SMG6: variants seen among roughly 807,000 people sequenced by gnomAD.
The protein encoded by SMG6 is SMG6 nonsense mediated mRNA decay factor.
Under a neutral mutation model 142.2 loss-of-function variants are expected in SMG6, and 66 were observed. The ratio of observed to expected loss-of-function variants is 0.46; its 90% CI spans 0.38 to 0.57. SMG6 has a LOEUF of 0.57. Among genes scored for constraint, SMG6 ranks in the 20% least tolerant of loss-of-function variants. The pLI, the probability that SMG6 is intolerant of heterozygous loss-of-function variation, is 0.00. For missense variants in SMG6, 1,793 were observed against 1,832.0 expected, an observed-to-expected ratio of 0.98 and a Z score of 0.39; for synonymous variants, 779 against 702.4, an observed-to-expected ratio of 1.11 and a Z score of -1.72.
chr17:2,284,201 ATTATG>A (rs1163338157), intron 6 of SMG6, among the ~76,000 whole-genome samples: 1 of 152,202 alleles, frequency 6.6e-6, no homozygotes, highest in Non-Finnish European at 1.5e-5. Context: ...TTATTACATT[ATTATG>A]TAATAATCTT....
intron 13 of SMG6, chr17:2,087,788 G>T (rs1567587258): frequency 1.0e-6 from 1 of 985,844 alleles, no homozygotes; most frequent in Middle Eastern, 5.2e-4. Context: ...ACGCACAGTG[G>T]CCTCCCTGCA....
At position 2,068,923 on chromosome 17, in the gene SMG6, C is replaced by G. The variant is rs1243962396; in HGVS notation, c.3690G>C (p.Leu1230=). ...QRRQEKIQAV[L]EDHSQMRQME... ...TCTGCCTCATCTGACTGTGGTCCTC[C>G]AGGACAGCCTATGGGGACAGAGTGG... The change falls in exon 16 of 19, where the codon CTG becomes CTC. Residue 1230 remains leucine, a synonymous_variant. Transcript: ENST00000263073. This position sits in a 1 kb window ranked among gnomAD's most constrained non-coding sequence, Gnocchi z 6.7. 6.2e-7 allele frequency: 1 copy of G among 1,613,956 alleles called. No individual in the cohort carries two copies. The highest frequency in any genetic ancestry group is 1.3e-5 in the African/African-American group (1 of 74,918).
chr17:2,232,493 G>A (rs1386866880), intron 10 of SMG6, among the ~76,000 whole-genome samples: 1 of 152,104 alleles, frequency 6.6e-6, no homozygotes, highest in African/African-American at 2.4e-5. Context: ...GGCTTTCCCA[G>A]AACTGTTGCC....
chr17:2,150,670 C>A (rs1041353384), intron 13 of SMG6, among the ~76,000 whole-genome samples: 31 of 152,310 alleles, frequency 2.0e-4, no homozygotes, highest in Admixed American at 1.2e-3. Flanking sequence ...CTTCCTATTA[C>A]ACTTTATATT....
intron 13 of SMG6, among the ~76,000 whole-genome samples, chr17:2,120,537 T>C (rs1439288006): frequency 6.6e-6 from 1 of 152,096 alleles, no homozygotes; most frequent in Non-Finnish European, 1.5e-5. Context: ...ATAGACAACA[T>C]AGCAATACCT....
Position 2,068,863 on chromosome 17 carries a change from T to A in SMG6, c.3750A>T (p.Pro1250=), listed in dbSNP as rs1176595755. The A allele has an allele frequency of 1.9e-6, 3 of 1,614,244 alleles. No homozygotes were observed. Among genetic ancestry groups the A allele is most frequent in the Non-Finnish European group, 2.5e-6 (3 of 1,180,044 alleles). Residue 1250 remains proline, a synonymous_variant, in exon 16 of 19, where the codon CCA becomes CCT. Transcript: ENST00000263073. The surrounding 1 kb of genome is among the most constrained non-coding windows in gnomAD (Gnocchi z 6.7). Reference sequence around the variant, plus strand: ...GGTGGTCAATGAAGCCGTTGGTGTCTGGTACGAGGAACAAAGGTCTGATTT... The same window carrying A: ...GGTGGTCAATGAAGCCGTTGGTGTCAGGTACGAGGAACAAAGGTCTGATTT... ...ELEIRPLFLV[P]DTNGFIDHLA...
At chr17:2,127,887 T>C in intron 13 of SMG6, 1 of 565,600 alleles carries the variant, frequency 1.8e-6, no homozygotes, top group Non-Finnish European at 3.5e-6. Flanking sequence ...TGGCCATATC[T>C]TTGTAGACGA....
intron 10 of SMG6, among the ~76,000 whole-genome samples, chr17:2,189,586 T>C (rs1256430799): frequency 2.0e-5 from 3 of 152,162 alleles, no homozygotes; most frequent in Non-Finnish European, 2.9e-5. Flanking sequence ...ATCAGCTGAA[T>C]GTCTGATCTC....
chr17:2,176,842 C>T (rs1256628732), intron 12 of SMG6, among the ~76,000 whole-genome samples: 1 of 152,216 alleles, frequency 6.6e-6, no homozygotes. Flanking sequence ...CCAAGGCTCA[C>T]TTGCTTCCCT....
At chr17:2,187,927 G>A (rs1381150481) in intron 11 of SMG6, among the ~76,000 whole-genome samples, 1 of 152,056 alleles carries the variant, frequency 6.6e-6, no homozygotes, top group East Asian at 1.9e-4. Flanking sequence ...AGCCTTAAAG[G>A]ATATGGGATA....
chr17:2,185,565 C>T (rs1384176513), intron 12 of SMG6, among the ~76,000 whole-genome samples: 1 of 151,286 alleles, frequency 6.6e-6, no homozygotes, highest in African/African-American at 2.4e-5. Context: ...CAGACAGACA[C>T]ACAGACTCCA....
At chr17:2,159,153 G>C (rs2071098558) in intron 13 of SMG6, among the ~76,000 whole-genome samples, 1 of 152,148 alleles carries the variant, frequency 6.6e-6, no homozygotes, top group African/African-American at 2.4e-5. Flanking sequence ...AGGCACAGTG[G>C]CTCACGCCTG....
intron 8 of SMG6, among the ~76,000 whole-genome samples, chr17:2,247,137 T>C (rs2073944754): frequency 6.6e-6 from 1 of 152,170 alleles, no homozygotes; most frequent in South Asian, 2.1e-4. Flanking sequence ...GCCATTTACC[T>C]GCGGTGGGAT....
chr17:2,095,408 G>A (rs759393529), intron 13 of SMG6, among the ~76,000 whole-genome samples: 3 of 152,096 alleles, frequency 2.0e-5, no homozygotes, highest in Non-Finnish European at 4.4e-5. Flanking sequence ...TATTCTACGC[G>A]TGGCACAAGA....
At position 2,292,992 on chromosome 17, in the gene SMG6, A is replaced by G. The variant is rs1177925530; in HGVS notation, c.2152-15T>C. On this transcript the variant is annotated splice_polypyrimidine_tract_variant and intron_variant, in intron 4 of 18. Transcript: ENST00000263073. Reference sequence around the variant, plus strand: ...GCATATTTTACCTTCAGGAAAAACAACCAGTTAGTAGAAAAGCCAAGAAAC... The same window carrying G: ...GCATATTTTACCTTCAGGAAAAACAGCCAGTTAGTAGAAAAGCCAAGAAAC... The G allele has an allele frequency of 6.3e-7, 1 of 1,583,438 alleles. No homozygotes were observed.
In SMG6 at chr17:2,244,717, C is replaced by T; in HGVS notation, c.2664G>A (p.Leu888=). The T allele has an allele frequency of 6.2e-7, 1 of 1,613,568 alleles. No homozygotes were observed. The highest frequency in any genetic ancestry group is 1.1e-5 in the South Asian group (1 of 91,048). ...GAAAACTGAGGATGAACCTTTTGTT[C>T]AGCTGCATGGGAAAAAGGGAGAGGA... ...NGLGSLSPSD[L]NKRFILSFLH... Residue 888 remains leucine (L), a splice_region_variant and synonymous_variant, in exon 9 of 19, where the codon CTG becomes CTA. Transcript: ENST00000263073.
intron 13 of SMG6, among the ~76,000 whole-genome samples, chr17:2,114,191 A>G (rs527552892): frequency 6.6e-6 from 1 of 152,178 alleles, no homozygotes; most frequent in Non-Finnish European, 1.5e-5. Context: ...GATAGCTTGA[A>G]CCCAGGAGGC....
rs887100848 is a variant in SMG6, at chr17:2,178,412, T to C, written c.3156-5553A>G. 1.8e-4 allele frequency among the ~76,000 whole-genome samples: 27 copies of C among 152,124 alleles called. 1 individual carries two copies. Among genetic ancestry groups the C allele is most frequent in the Non-Finnish European group, 4.4e-5 (3 of 68,014 alleles). ...AGAGACCAGACTTAGATGAAGGTAA[T>C]CCCTTCTATCTTTCTCATTTATACC... On this transcript the variant is annotated intron_variant, in intron 12 of 18. Transcript: ENST00000263073.
At chr17:2,169,771 A>G (rs2151644873) in intron 13 of SMG6, among the ~76,000 whole-genome samples, 1 of 152,248 alleles carries the variant, frequency 6.6e-6, no homozygotes, top group South Asian at 2.1e-4. Context: ...TTTGGCCTCT[A>G]AGTGAGAGGA....
Sources: allele counts gnomAD v4.1 joint callset (sites outside exome capture counted in the v4.1 genomes callset), GRCh38; gene constraint gnomAD v4.1.1; non-coding constraint Gnocchi (gnomAD v3.1); transcripts MANE v1.5; gene names NCBI Gene and HGNC (gene_info 2026-07-23, HGNC 2026-07-21).